GRM4: variants seen among roughly 807,000 people sequenced by gnomAD.
GRM4 encodes the protein glutamate metabotropic receptor 4.
In GRM4, 28 loss-of-function variants were observed where a neutral mutation model predicts 81.7. The observed-to-expected ratio is 0.34, with a 90% CI of 0.25 to 0.47. GRM4 has a LOEUF of 0.47. Among genes scored for constraint, GRM4 ranks in the 20% least tolerant of loss-of-function variants. The pLI is 1.00. For synonymous variants in GRM4, 488 were observed against 528.8 expected (o/e 0.92, Z 1.06); for missense variants, 948 against 1,290.0 (o/e 0.73, Z 4.06).
intron 6 of GRM4, among the ~76,000 whole-genome samples, chr6:34,045,530 T>C (rs986503762): frequency 6.6e-6 from 1 of 152,162 alleles, no homozygotes; most frequent in Non-Finnish European, 1.5e-5. Flanking sequence ...CCAGATGTCT[T>C]TGGTTGTCCA....
rs928185354 is a variant in GRM4, at chr6:34,034,588, T to A, written c.2442+1080A>T. Among the ~76,000 whole-genome samples the A allele has an allele frequency of 6.6e-6, 1 of 152,228 alleles. No individual in the cohort carries two copies. Among genetic ancestry groups the A allele is most frequent in the African/African-American group, 2.4e-5 (1 of 41,464 alleles). On this transcript the variant is annotated intron_variant, in intron 9 of 10. Transcript: ENST00000538487. This position sits in a 1 kb window ranked among gnomAD's most constrained non-coding sequence, Gnocchi z 4.0. The stretch of plus-strand genomic sequence containing the variant: ...CATTGCCACCATCTGGCCTGTCACC[T>A]CTCTGATCTCGTTCCCCACTCCTCT...
Position 34,111,796 on chromosome 6 carries a change from CCATGGGCTGATGTTGG to C in GRM4, c.520-19713_520-19698del, listed in dbSNP as rs1238976719. The stretch of plus-strand genomic sequence containing the variant: ...TGCCCAGAGGCTGCCCCCCGGGACA[CCATGGGCTGATGTTGG>C]CAGCATTGCCCCTCTCCTCAGTCAC... On this transcript the variant is annotated intron_variant, in intron 2 of 10. Transcript: ENST00000538487. This position sits in a 1 kb window ranked among gnomAD's most constrained non-coding sequence, Gnocchi z 5.1. 6.6e-6 allele frequency among the ~76,000 whole-genome samples: 1 copy of C among 152,222 alleles called. No individual in the cohort carries two copies. Among genetic ancestry groups the C allele is most frequent in the Non-Finnish European group, 1.5e-5 (1 of 68,030 alleles).
upstream of GRM4, among the ~76,000 whole-genome samples, chr6:34,150,852 T>C (rs1581746904): frequency 6.6e-6 from 1 of 152,316 alleles, no homozygotes; most frequent in African/African-American, 2.4e-5. Flanking sequence ...GGAAGCACTT[T>C]ATTCAAAAAG....
rs528007983 is a variant in GRM4 at position 34,101,904 on chromosome 6, G to C, written c.520-9805C>G. On this transcript the variant is annotated intron_variant, in intron 2 of 10. Coordinates refer to ENST00000538487, the MANE Select transcript of GRM4 (RefSeq NM_000841.4). Reference sequence around the variant, plus strand: ...CAACCCCACACGAGGCTGCCAGAGAGTGATCTCGTGGCCCCTGGCTTCTCT... The same window carrying C: ...CAACCCCACACGAGGCTGCCAGAGACTGATCTCGTGGCCCCTGGCTTCTCT... The C allele has an allele frequency of 1.7e-5, 15 of 881,782 alleles. No homozygotes were observed. In the African/African-American group the frequency reaches 2.0e-4, roughly 12 times the overall value. 54.6% of individuals were successfully genotyped at this position (881,782 alleles called of 1,614,324 possible).
Position 34,111,141 on chromosome 6 carries a change from A to ACACACT in GRM4, c.520-19043_520-19042insAGTGTG, listed in dbSNP as rs1313839058. ...CACACACACACACACACACACACACACACACACACACACGCCAGGATCCAA... is the reference window on the plus strand; with the variant it reads ...CACACACACACACACACACACACACACACACTCACACACACACACGCCAGGATCCAA... On this transcript the variant is annotated intron_variant, in intron 2 of 10. Transcript: ENST00000538487. The surrounding 1 kb of genome is among the most constrained non-coding windows in gnomAD (Gnocchi z 5.1). The ACACACT allele has an allele frequency of 6.1e-6, 1 of 163,766 alleles. No individual in the cohort carries two copies. The highest frequency in any genetic ancestry group is 1.3e-5 in the Non-Finnish European group (1 of 76,770). The allele number at this position is 163,766 out of a possible 1,614,324, so 10.1% of individuals were successfully genotyped here.
At chr6:34,087,799 T>TACACACACACACACCCACACACAC (rs1767988148) in intron 3 of GRM4, among the ~76,000 whole-genome samples, 1 of 88,340 alleles carries the variant, frequency 1.1e-5, no homozygotes, top group Non-Finnish European at 2.1e-5. Flanking sequence ...CATGCACCCC[T>TACACACACACACACCCACACACAC]ACACACACAC....
intron 3 of GRM4, 75 bp from the exon 4 acceptor site, chr6:34,062,103 C>A (rs1378824922): frequency 8.1e-6 from 12 of 1,486,040 alleles, no homozygotes; most frequent in Non-Finnish European, 1.1e-5. Flanking sequence ...AACATACACT[C>A]CGGGAGATGG....
At chr6:34,140,926 G>A (rs1361061024) in intron 1 of GRM4, among the ~76,000 whole-genome samples, 1 of 152,214 alleles carries the variant, frequency 6.6e-6, no homozygotes, top group Admixed American at 6.5e-5. Flanking sequence ...TGGTTGGTGG[G>A]GAGACTTCCA....
intron 2 of GRM4, among the ~76,000 whole-genome samples, chr6:34,124,380 C>T (rs1769934321): frequency 6.6e-6 from 1 of 152,186 alleles, no homozygotes; most frequent in African/African-American, 2.4e-5. Context: ...ACTGACATTC[C>T]CTCCCATGCG....
chr6:34,075,136 C>A (rs1342230377), intron 3 of GRM4, among the ~76,000 whole-genome samples: 9 of 151,860 alleles, frequency 5.9e-5, no homozygotes. Flanking sequence ...CGAGCAGGGC[C>A]CTCAGCCTGA....
Position 34,130,212 on chromosome 6 carries a change from C to A in GRM4, c.519+2766G>T, listed in dbSNP as rs978073575. Among the ~76,000 whole-genome samples, 4 of 152,174 alleles carry A rather than the reference C, an allele frequency of 2.6e-5. No homozygotes were observed. Among genetic ancestry groups the A allele is most frequent in the African/African-American group, 9.7e-5 (4 of 41,430 alleles). On this transcript the variant is annotated intron_variant, in intron 2 of 10. Coordinates refer to ENST00000538487, the MANE Select transcript of GRM4 (RefSeq NM_000841.4). This position sits in a 1 kb window ranked among gnomAD's most constrained non-coding sequence, Gnocchi z 4.1. ...TCTATCAGTTTAATTATTGAGGAGG[C>A]CTCTTGTCACCAGCCTGGAACATTA...
intron 2 of GRM4, among the ~76,000 whole-genome samples, chr6:34,110,418 C>A (rs1443450385): frequency 6.6e-6 from 1 of 151,810 alleles, no homozygotes; most frequent in Non-Finnish European, 1.5e-5. Flanking sequence ...CTGCACTTAC[C>A]AGCCCCCCTC....
intron 1 of GRM4, among the ~76,000 whole-genome samples, chr6:34,142,841 G>A (rs891880831): frequency 5.3e-5 from 8 of 152,192 alleles, no homozygotes; most frequent in South Asian, 4.1e-4. Context: ...GAGGAGGAGC[G>A]GCCTACGCAA....
chr6:34,072,134 TCAC>T (rs1342964271), intron 3 of GRM4, among the ~76,000 whole-genome samples: 4 of 14,562 alleles, frequency 2.7e-4, no homozygotes, highest in African/African-American at 9.5e-4. Context: ...TAGACACACA[TCAC>T]CACACAGATA....
At chr6:34,033,733 ATTTCT>A (rs750785117) in intron 9 of GRM4, among the ~76,000 whole-genome samples, 22 of 129,928 alleles carry the variant, frequency 1.7e-4, no homozygotes, top group African/African-American at 2.9e-4. Flanking sequence ...CTCTCTCTTT[ATTTCT>A]TTTCTTTTCT....
chr6:34,131,328 A>G (rs1244555159), intron 2 of GRM4, among the ~76,000 whole-genome samples: 2 of 152,372 alleles, frequency 1.3e-5, no homozygotes, highest in East Asian at 3.9e-4. Context: ...GATCATAAAA[A>G]AATAAAAAAC....
chr6:34,092,154 C>T lies in GRM4; in HGVS notation c.520-55G>A, dbSNP rs531755665. On this transcript the variant is annotated intron_variant, in intron 2 of 10. Transcript: ENST00000538487. This position sits in a 1 kb window ranked among gnomAD's most constrained non-coding sequence, Gnocchi z 6.8. ...GCGACTGGCTCCCCACCCTGCCTAGCCAGCCCCATTCCCCTACACACCAAC... is the reference window on the plus strand; with the variant it reads ...GCGACTGGCTCCCCACCCTGCCTAGTCAGCCCCATTCCCCTACACACCAAC... 14 of 1,236,952 alleles carry T rather than the reference C, an allele frequency of 1.1e-5. 1 individual carries two copies. In the South Asian group the frequency reaches 1.6e-4, roughly 14 times the overall value. The allele number at this position is 1,236,952 out of a possible 1,614,324, so 76.6% of individuals were successfully genotyped here.
intron 2 of GRM4, chr6:34,100,094 C>T: frequency 1.0e-6 from 1 of 969,732 alleles, no homozygotes; most frequent in Non-Finnish European, 1.2e-6. Context: ...ACTCTGGGGC[C>T]TGACCATGTG....
rs1311379122 is a variant in GRM4 at position 34,020,768 on chromosome 6, T to C, written c.*2053A>G. 1 of 152,202 alleles carries C rather than the reference T, an allele frequency of 6.6e-6. No homozygotes were observed. The highest frequency in any genetic ancestry group is 6.5e-5 in the Admixed American group (1 of 15,286). The allele number at this position is 152,202 out of a possible 1,614,324, so 9.4% of individuals were successfully genotyped here. On this transcript the variant is annotated 3_prime_UTR_variant, in exon 11 of 11. Coordinates refer to ENST00000538487, the MANE Select transcript of GRM4 (RefSeq NM_000841.4). ...ACCCCAGGGAAGAAGAGATTTCCTA[T>C]GCACAGATGTGTGAGATGCCCAGGC...
Sources: gnomAD v4.1 joint callset for allele counts (sites outside exome capture counted in the v4.1 genomes callset) on GRCh38, gnomAD v4.1.1 for gene constraint, Gnocchi (gnomAD v3.1) non-coding constraint, MANE v1.5 for transcripts, NCBI Gene and HGNC (gene_info 2026-07-23, HGNC 2026-07-21) for gene names.